Variants in EPHA6 observed in about 807,000 individuals in gnomAD.
EPHA6 encodes the protein EPH receptor A6.
A neutral mutation model predicts 112.0 loss-of-function variants in EPHA6; 50 were observed. That is an observed-to-expected ratio of 0.45 (90% CI 0.36 to 0.56). EPHA6 has a LOEUF of 0.56. EPHA6 is among the 20% of genes least tolerant of loss of function. EPHA6 has a pLI of 0.00. For synonymous variants in EPHA6, 529 were observed against 490.7 expected, an observed-to-expected ratio of 1.08 and a Z score of -1.03; for missense variants, 1,280 against 1,417.4, an observed-to-expected ratio of 0.90 and a Z score of 1.56.
chr3:97,299,486 T>C (rs191823183), intron 5 of EPHA6, among the ~76,000 whole-genome samples: 32 of 152,216 alleles, frequency 2.1e-4, no homozygotes, highest in Admixed American at 5.9e-4. Flanking sequence ...GTTGGAAAGA[T>C]TTTTTCATGT....
chr3:97,696,851 C>A lies in EPHA6; in HGVS notation c.2785-23410C>A, dbSNP rs953638916. On this transcript the variant is annotated intron_variant, in intron 14 of 17. Transcript: ENST00000389672. ...ACTAATTTACCCACTGTGACAAGAC[C>A]CACTGTTGGGAAAGCCAAGCCTCAA... 3.3e-5 allele frequency among the ~76,000 whole-genome samples: 5 copies of A among 152,170 alleles called. No homozygotes were observed. The South Asian group carries it at 1.0e-3, about 32-fold the overall frequency.
chr3:97,379,103 AT>A lies in EPHA6; in HGVS notation c.1607-26044del, dbSNP rs561804423. Among the ~76,000 whole-genome samples the A allele has an allele frequency of 1.7e-3, 259 of 152,248 alleles. 1 individual carries two copies. Among genetic ancestry groups the A allele is most frequent in the African/African-American group, 6.0e-3 (249 of 41,554 alleles). On this transcript the variant is annotated intron_variant, in intron 5 of 17. Coordinates refer to ENST00000389672, the MANE Select transcript of EPHA6 (RefSeq NM_001080448.3). ...TTGTGGAGGGACCAAGTGGGAGATAATTTGAATCATGGGGGTGGCTTCCCCC... is the reference window on the plus strand; with the variant it reads ...TTGTGGAGGGACCAAGTGGGAGATAATTGAATCATGGGGGTGGCTTCCCCC...
At chr3:97,199,871 TG>T (rs572247906) in intron 3 of EPHA6, among the ~76,000 whole-genome samples, 2 of 152,070 alleles carry the variant, frequency 1.3e-5, no homozygotes, top group South Asian at 4.1e-4. Flanking sequence ...TGTCGGATGC[TG>T]GGGGGGTGAC....
intron 3 of EPHA6, among the ~76,000 whole-genome samples, chr3:97,111,901 A>G (rs2108283851): frequency 6.6e-6 from 1 of 152,274 alleles, no homozygotes; most frequent in Non-Finnish European, 1.5e-5. Flanking sequence ...CCTTGGGCTC[A>G]GTATTTTTAA....
chr3:97,019,250 C>G (rs796319136), intron 3 of EPHA6, among the ~76,000 whole-genome samples: 109 of 152,226 alleles, frequency 7.2e-4, no homozygotes, highest in African/African-American at 2.5e-3. Context: ...CATTTATCTT[C>G]TTTTATAGTT....
intron 13 of EPHA6, among the ~76,000 whole-genome samples, chr3:97,611,456 T>C (rs1485838195): frequency 1.3e-5 from 2 of 151,902 alleles, no homozygotes; most frequent in Admixed American, 6.6e-5. Context: ...TTATTATAGA[T>C]AGTGATACAA....
intron 5 of EPHA6, among the ~76,000 whole-genome samples, chr3:97,257,944 T>C (rs2079371441): frequency 1.3e-5 from 2 of 152,052 alleles, no homozygotes; most frequent in African/African-American, 4.8e-5. Flanking sequence ...AGGAAATGAA[T>C]ATTAAATTTA....
intron 10 of EPHA6, among the ~76,000 whole-genome samples, chr3:97,500,677 T>C (rs1035739514): frequency 4.6e-5 from 7 of 152,092 alleles, no homozygotes; most frequent in Admixed American, 3.9e-4. Flanking sequence ...TGAAGAAGAG[T>C]GTGTTTGTCT....
intron 5 of EPHA6, among the ~76,000 whole-genome samples, chr3:97,319,653 G>A (rs2082007362): frequency 7.2e-6 from 1 of 139,588 alleles, no homozygotes; most frequent in Non-Finnish European, 1.5e-5. Context: ...CTGGGCGACA[G>A]AGCGAGATTG....
rs751963745 is a variant in EPHA6, at chr3:97,244,118, A to T, written c.1437A>T (p.Gly479=). 6.2e-6 allele frequency: 10 copies of T among 1,612,918 alleles called. No homozygotes were observed. Among genetic ancestry groups the T allele is most frequent in the Non-Finnish European group, 8.5e-6 (10 of 1,179,314 alleles). The change falls in exon 5 of 18, where the codon GGA becomes GGT. Residue 479 remains glycine (G), a synonymous_variant. Coordinates refer to ENST00000389672, the MANE Select transcript of EPHA6 (RefSeq NM_001080448.3). ...GCCAGTGTGAGGACTGTGGTGGAGG[A>T]CTCCGCTTCATCCCAAGACATACAG... is the stretch of plus-strand genomic sequence containing the variant. The part of the protein sequence containing the change: ...DTSQCEDCGG[G]LRFIPRHTGL...
intron 4 of EPHA6, among the ~76,000 whole-genome samples, chr3:97,236,139 T>A (rs546309195): frequency 6.6e-6 from 1 of 152,062 alleles, no homozygotes; most frequent in East Asian, 1.9e-4. Context: ...GGGCTGCCTC[T>A]GGGAGCAGTT....
At chr3:97,556,047 C>A (rs2093104310) in intron 11 of EPHA6, among the ~76,000 whole-genome samples, 1 of 151,902 alleles carries the variant, frequency 6.6e-6, no homozygotes, top group African/African-American at 2.4e-5. Context: ...TCCTAATCAC[C>A]CCAGGTATAG....
chr3:97,468,356 T>C (rs1185667766), intron 7 of EPHA6, among the ~76,000 whole-genome samples: 1 of 151,626 alleles, frequency 6.6e-6, no homozygotes, highest in Non-Finnish European at 1.5e-5. Flanking sequence ...AAAATATCAG[T>C]ATAATACTAT....
chr3:97,682,688 G>C (rs1163403533), intron 14 of EPHA6, among the ~76,000 whole-genome samples: 1 of 152,132 alleles, frequency 6.6e-6, no homozygotes, highest in Non-Finnish European at 1.5e-5. Flanking sequence ...TTTTCCAGCA[G>C]TGTGAACACT....
intron 2 of EPHA6, among the ~76,000 whole-genome samples, chr3:96,963,795 A>T (rs112458650): frequency 6.6e-6 from 1 of 152,156 alleles, no homozygotes; most frequent in East Asian, 1.9e-4. Context: ...ATTTGCGGTA[A>T]TCAGTTTTTA....
At chr3:96,857,067 A>G (rs2035741462) in intron 1 of EPHA6, among the ~76,000 whole-genome samples, 1 of 152,156 alleles carries the variant, frequency 6.6e-6, no homozygotes, top group Admixed American at 6.5e-5. Context: ...CATTGCCATA[A>G]TCTGTATCTT....
intron 11 of EPHA6, among the ~76,000 whole-genome samples, chr3:97,565,743 G>T (rs1479456692): frequency 1.3e-5 from 2 of 152,100 alleles, no homozygotes; most frequent in Non-Finnish European, 2.9e-5. Flanking sequence ...TTTAGGCCGG[G>T]CGTGGTGGCT....
At chr3:97,602,271 GT>G (rs1188260339) in intron 12 of EPHA6, among the ~76,000 whole-genome samples, 1 of 151,954 alleles carries the variant, frequency 6.6e-6, no homozygotes, top group African/African-American at 2.4e-5. Flanking sequence ...AAATCTGAAG[GT>G]TTTTCCAATC....
At chr3:97,397,422 T>C (rs2086755970) in intron 5 of EPHA6, among the ~76,000 whole-genome samples, 1 of 151,718 alleles carries the variant, frequency 6.6e-6, no homozygotes, top group Non-Finnish European at 1.5e-5. Context: ...AATCATTAAA[T>C]ATATTCAAAA....
Sources: allele counts gnomAD v4.1 joint callset (sites outside exome capture counted in the v4.1 genomes callset), GRCh38; gene constraint gnomAD v4.1.1; transcripts MANE v1.5; gene names NCBI Gene and HGNC (gene_info 2026-07-23, HGNC 2026-07-21).